ADGRL3: variants seen among roughly 807,000 people sequenced by gnomAD.
ADGRL3 encodes the protein calcium-independent alpha-latrotoxin receptor 3.
ADGRL3 carries 62 observed loss-of-function variants against 153.5 expected under a neutral mutation model. That is an observed-to-expected ratio of 0.40 (90% confidence interval 0.33 to 0.50). The LOEUF (loss-of-function observed/expected upper bound fraction) is 0.50, where lower values mean the gene tolerates loss of function less well. Among genes scored for constraint, ADGRL3 ranks in the 20% least tolerant of loss-of-function variants. The pLI is 0.47. For missense variants in ADGRL3, 1,641 were observed against 1,859.4 expected (o/e 0.88, Z 2.16); for synonymous variants, 710 against 672.5 (o/e 1.06, Z -0.86).
At chr4:61,708,486 T>G (rs906686986) in intron 6 of ADGRL3, among the ~76,000 whole-genome samples, 2 of 15,490 alleles carry the variant, frequency 1.3e-4, no homozygotes, top group African/African-American at 9.7e-4. Context: ...CAGTCTTTGT[T>G]TTTTTTTTAT....
intron 9 of ADGRL3, among the ~76,000 whole-genome samples, chr4:61,832,774 A>C (rs1469245294): frequency 6.6e-5 from 10 of 150,880 alleles, no homozygotes; most frequent in Admixed American, 6.6e-4. Context: ...GCCTAGAATC[A>C]TTGTTTTTCG....
At chr4:61,621,457 G>T (rs546706842) in intron 5 of ADGRL3, among the ~76,000 whole-genome samples, 1 of 152,246 alleles carries the variant, frequency 6.6e-6, no homozygotes, top group Non-Finnish European at 1.5e-5. Context: ...AGTTGTTGGA[G>T]AACTTTATAT....
chr4:61,981,250 C>CT (rs1000271183), intron 18 of ADGRL3, among the ~76,000 whole-genome samples: 9 of 151,918 alleles, frequency 5.9e-5, no homozygotes, highest in South Asian at 2.1e-4. Context: ...GAAAGAATAT[C>CT]TTTTTTTTCC....
intron 6 of ADGRL3, among the ~76,000 whole-genome samples, chr4:61,684,244 T>A (rs1351301324): frequency 1.3e-5 from 2 of 152,102 alleles, no homozygotes; most frequent in Non-Finnish European, 2.9e-5. Context: ...TGTTTGAAAA[T>A]CTGTGAAAAC....
chr4:61,276,070 T>G (rs564288459), intron 1 of ADGRL3, among the ~76,000 whole-genome samples: 2 of 152,038 alleles, frequency 1.3e-5, no homozygotes, highest in Non-Finnish European at 1.5e-5. Context: ...AAATGAAGAG[T>G]AAGTACCTAG....
intron 17 of ADGRL3, among the ~76,000 whole-genome samples, chr4:61,956,380 GTTGT>G (rs1440466291): frequency 3.3e-5 from 5 of 152,062 alleles, no homozygotes; most frequent in African/African-American, 9.7e-5. Flanking sequence ...TTTGGATGGG[GTTGT>G]TTGTTTTTTT....
intron 17 of ADGRL3, among the ~76,000 whole-genome samples, chr4:61,965,643 C>T (rs1397446175): frequency 1.3e-5 from 2 of 151,722 alleles, no homozygotes; most frequent in African/African-American, 4.8e-5. Flanking sequence ...CCCAGCTACT[C>T]GGGAGGCTGA....
intron 5 of ADGRL3, among the ~76,000 whole-genome samples, chr4:61,588,017 C>T (rs937163460): frequency 4.6e-5 from 7 of 151,750 alleles, no homozygotes; most frequent in African/African-American, 1.7e-4. Context: ...ATGAATGTAT[C>T]ATATAATATC....
At chr4:61,991,999 C>G (rs1386484346) in intron 19 of ADGRL3, among the ~76,000 whole-genome samples, 2 of 149,640 alleles carry the variant, frequency 1.3e-5, no homozygotes, top group Non-Finnish European at 3.0e-5. Flanking sequence ...TTTCTCAAGT[C>G]TCTTATGTCT....
intron 1 of ADGRL3, among the ~76,000 whole-genome samples, chr4:61,262,224 A>G (rs2092573621): frequency 6.6e-6 from 1 of 152,184 alleles, no homozygotes; most frequent in African/African-American, 2.4e-5. Context: ...ATGTAATTAT[A>G]ATACATTCTT....
At chr4:61,471,594 T>A (rs1579048764) in intron 2 of ADGRL3, among the ~76,000 whole-genome samples, 2 of 152,062 alleles carry the variant, frequency 1.3e-5, no homozygotes, top group East Asian at 3.9e-4. Context: ...AAGTGTCTTC[T>A]GAGGCAAATT....
At chr4:61,400,396 T>C (rs1002531338) in intron 2 of ADGRL3, among the ~76,000 whole-genome samples, 2 of 151,942 alleles carry the variant, frequency 1.3e-5, no homozygotes, top group African/African-American at 4.8e-5. Flanking sequence ...TTTTACGGTA[T>C]ATAAAAAGAA....
Position 61,614,775 on chromosome 4 carries a change from C to A in ADGRL3, c.473+27335C>A, listed in dbSNP as rs1290262964. ...TCAGACACACTTATTTTACTCCTTT[C>A]TTTTGATTTATTTTTCTTCAGACAT... On this transcript the variant is annotated intron_variant, in intron 5 of 26. Coordinates refer to ENST00000683033, the MANE Select transcript of ADGRL3 (RefSeq NM_001387552.1). Among the ~76,000 whole-genome samples the A allele has an allele frequency of 2.0e-5, 3 of 152,216 alleles. No homozygotes were observed. In the South Asian group the frequency reaches 6.2e-4, roughly 32 times the overall value.
rs566879632 is a variant in ADGRL3, at chr4:61,415,102, G to A, written c.-174+31913G>A. 2.0e-5 allele frequency among the ~76,000 whole-genome samples: 3 copies of A among 151,836 alleles called. No homozygotes were observed. In the East Asian group the frequency reaches 5.8e-4, roughly 29 times the overall value. On this transcript the variant is annotated intron_variant, in intron 2 of 26. Transcript: ENST00000683033. ...CTTTAGGTATTTTTTAGTGAAGACA[G>A]TCTTTATAAAAACATAACATTTAGA...
intron 19 of ADGRL3, among the ~76,000 whole-genome samples, chr4:61,993,777 G>T (rs1295408355): frequency 6.6e-6 from 1 of 151,500 alleles, no homozygotes; most frequent in Non-Finnish European, 1.5e-5. Flanking sequence ...TATTAAGTTG[G>T]TGACAAGCTA....
At chr4:61,772,614 T>A (rs1416970892) in intron 8 of ADGRL3, among the ~76,000 whole-genome samples, 2 of 152,170 alleles carry the variant, frequency 1.3e-5, no homozygotes, top group Non-Finnish European at 2.9e-5. Flanking sequence ...GGGCAAAGTA[T>A]GGGTTAAGTG....
chr4:62,048,667 G>A (rs912529300), intron 25 of ADGRL3, among the ~76,000 whole-genome samples: 5 of 151,780 alleles, frequency 3.3e-5, no homozygotes, highest in African/African-American at 7.3e-5. Context: ...AGTGATCCTC[G>A]TGCTTCAGGG....
At chr4:61,570,278 C>T (rs1006102655) in intron 4 of ADGRL3, among the ~76,000 whole-genome samples, 21 of 152,114 alleles carry the variant, frequency 1.4e-4, no homozygotes, top group African/African-American at 5.1e-4. Context: ...TGATAGCATC[C>T]TGTCCCTTGT....
chr4:61,373,592 C>T (rs2096567432), intron 1 of ADGRL3, among the ~76,000 whole-genome samples: 1 of 152,060 alleles, frequency 6.6e-6, no homozygotes, highest in South Asian at 2.1e-4. Context: ...TTAAAATCAG[C>T]ATCAATTAAA....
Sources: gnomAD v4.1 joint callset for allele counts (sites outside exome capture counted in the v4.1 genomes callset) on GRCh38, gnomAD v4.1.1 for gene constraint, MANE v1.5 for transcripts, NCBI Gene and HGNC (gene_info 2026-07-23, HGNC 2026-07-21) for gene names.